LSAMP: variants seen among roughly 807,000 people sequenced by gnomAD.
LSAMP encodes the protein limbic system-associated membrane protein.
LSAMP carries 7 observed loss-of-function variants against 38.6 expected under a neutral mutation model. The observed-to-expected ratio is 0.18, with a 90% CI of 0.10 to 0.34. The LOEUF is 0.34. LSAMP is among the 10% of genes least tolerant of loss of function. The pLI, the probability that LSAMP is intolerant of heterozygous loss-of-function variation, is 1.00. For synonymous variants in LSAMP, 154 were observed against 166.8 expected (o/e 0.92, Z 0.59); for missense variants, 313 against 420.0 (o/e 0.75, Z 2.23).
intron 1 of LSAMP, among the ~76,000 whole-genome samples, chr3:116,389,076 T>A (rs1344677681): frequency 1.3e-5 from 2 of 152,178 alleles, no homozygotes; most frequent in Admixed American, 1.3e-4. Context: ...ATGTTACCTT[T>A]GTGTCTTGGA....
At chr3:116,276,503 A>T (rs1322757771) in intron 1 of LSAMP, among the ~76,000 whole-genome samples, 1 of 143,930 alleles carries the variant, frequency 6.9e-6, no homozygotes, top group African/African-American at 2.5e-5. Flanking sequence ...GAATGATACA[A>T]TGGACTTTGG....
chr3:116,050,181 G>C (rs1223495167), intron 2 of LSAMP, among the ~76,000 whole-genome samples: 1 of 152,052 alleles, frequency 6.6e-6, no homozygotes, highest in African/African-American at 2.4e-5. Context: ...CATCTCCATG[G>C]GCTGCCTGTG....
intron 1 of LSAMP, among the ~76,000 whole-genome samples, chr3:116,138,842 T>C (rs1307296575): frequency 6.6e-6 from 1 of 151,810 alleles, no homozygotes; most frequent in Non-Finnish European, 1.5e-5. Context: ...TTTTCCATTT[T>C]AGCTTGGTTT....
At chr3:116,038,969 G>A (rs1171309246) in intron 2 of LSAMP, among the ~76,000 whole-genome samples, 1 of 152,162 alleles carries the variant, frequency 6.6e-6, no homozygotes, top group Admixed American at 6.5e-5. Context: ...TCATGAGAGA[G>A]GGAGGATAAA....
At chr3:115,891,912 T>G (rs1936609873) in intron 3 of LSAMP, among the ~76,000 whole-genome samples, 1 of 151,928 alleles carries the variant, frequency 6.6e-6, no homozygotes, top group Non-Finnish European at 1.5e-5. Flanking sequence ...GTGATATGAT[T>G]ATGATGTTCA....
At chr3:116,434,015 A>G (rs957219672) in intron 1 of LSAMP, among the ~76,000 whole-genome samples, 1 of 152,194 alleles carries the variant, frequency 6.6e-6, no homozygotes, top group Non-Finnish European at 1.5e-5. Flanking sequence ...AAAATTCCTG[A>G]AAAGAATAAC....
chr3:116,092,370 A>C (rs930579179), intron 1 of LSAMP, among the ~76,000 whole-genome samples: 2 of 152,152 alleles, frequency 1.3e-5, no homozygotes, highest in Admixed American at 1.3e-4. Context: ...ATCTCTAGGA[A>C]CTAAATGATC....
At position 115,808,131 on chromosome 3, in the gene LSAMP, T is replaced by TCCCC. The variant is rs1933680830; in HGVS notation, c.*2185_*2186insGGGG. On this transcript the variant is annotated 3_prime_UTR_variant, in exon 7 of 7. Coordinates refer to ENST00000490035, the MANE Select transcript of LSAMP (RefSeq NM_002338.5). ...CTTCCTCCCTCCCTCCCTCCCTCCC[T>TCCCC]CCCTCCCTCCCTCCCTCCCCCCCTT... 2.0e-5 allele frequency: 1 copy of TCCCC among 50,840 alleles called. No homozygotes were observed. Among genetic ancestry groups the TCCCC allele is most frequent in the African/African-American group, 9.0e-5 (1 of 11,108 alleles). 3.1% of individuals were successfully genotyped at this position (50,840 alleles called of 1,614,324 possible). A position where few individuals can be genotyped will look rare whatever the true frequency, so the allele number is the denominator to read the frequency against.
intron 1 of LSAMP, among the ~76,000 whole-genome samples, chr3:116,284,976 T>C (rs2047174093): frequency 6.6e-6 from 1 of 152,214 alleles, no homozygotes; most frequent in Non-Finnish European, 1.5e-5. Context: ...CTTTGCATTG[T>C]GGTGAAGTAC....
chr3:116,205,365 T>A (rs1367010677), intron 1 of LSAMP, among the ~76,000 whole-genome samples: 2 of 93,856 alleles, frequency 2.1e-5, no homozygotes, highest in Middle Eastern at 4.1e-3. Context: ...CAATTTGACT[T>A]CCTCTTTTCC....
At chr3:115,916,166 G>A (rs926608242) in intron 3 of LSAMP, among the ~76,000 whole-genome samples, 2 of 152,086 alleles carry the variant, frequency 1.3e-5, no homozygotes, top group South Asian at 2.1e-4. Context: ...CACAGAGAGT[G>A]CTTGGCCCCA....
intron 3 of LSAMP, among the ~76,000 whole-genome samples, chr3:115,906,377 C>T (rs2107495282): frequency 6.6e-6 from 1 of 152,230 alleles, no homozygotes; most frequent in African/African-American, 2.4e-5. Flanking sequence ...AAAAATAATA[C>T]TGCTTTGGAC....
At chr3:116,360,051 G>A (rs1015883241) in intron 1 of LSAMP, 4 of 154,694 alleles carry the variant, frequency 2.6e-5, no homozygotes, top group Non-Finnish European at 4.3e-5. Flanking sequence ...AGCTCCCAGC[G>A]TGAGCGACGC....
At chr3:115,915,813 A>G (rs1342311895) in intron 3 of LSAMP, among the ~76,000 whole-genome samples, 2 of 151,988 alleles carry the variant, frequency 1.3e-5, no homozygotes, top group Non-Finnish European at 2.9e-5. Flanking sequence ...TTGTATTTCT[A>G]GTAGAGACAG....
At chr3:116,229,806 T>G (rs1323661963) in intron 1 of LSAMP, among the ~76,000 whole-genome samples, 1 of 152,122 alleles carries the variant, frequency 6.6e-6, no homozygotes, top group African/African-American at 2.4e-5. Flanking sequence ...CCAGATTTTC[T>G]TTTTCCCTAA....
At chr3:115,865,149 T>C (rs1935821205) in intron 3 of LSAMP, among the ~76,000 whole-genome samples, 1 of 152,208 alleles carries the variant, frequency 6.6e-6, no homozygotes, top group Non-Finnish European at 1.5e-5. Context: ...CTATTTGGTA[T>C]GCTACTATCA....
At chr3:116,125,035 G>T (rs773456750) in intron 1 of LSAMP, among the ~76,000 whole-genome samples, 2 of 152,000 alleles carry the variant, frequency 1.3e-5, no homozygotes, top group Admixed American at 1.3e-4. Flanking sequence ...GCAGTACTTG[G>T]GGTTCTTTAT....
At chr3:116,113,420 ATTTTTTTTTTT>A (rs374608044) in intron 1 of LSAMP, among the ~76,000 whole-genome samples, 1 of 51,044 alleles carries the variant, frequency 2.0e-5, no homozygotes, top group Non-Finnish European at 3.2e-5. Context: ...ATATATATAT[ATTTTTTTTTTT>A]TTTTTTTTTT....
chr3:115,884,678 C>T (rs541048213), intron 3 of LSAMP, among the ~76,000 whole-genome samples: 1 of 151,950 alleles, frequency 6.6e-6, no homozygotes, highest in South Asian at 2.1e-4. Flanking sequence ...CAAGGAATGC[C>T]AACAAGTTTA....
Sources: gnomAD v4.1 joint callset for allele counts (sites outside exome capture counted in the v4.1 genomes callset) on GRCh38, gnomAD v4.1.1 for gene constraint, MANE v1.5 for transcripts, NCBI Gene and HGNC (gene_info 2026-07-23, HGNC 2026-07-21) for gene names.